Variants in CASR observed in about 807,000 individuals in gnomAD.
CASR encodes the protein extracellular calcium-sensing receptor.
In CASR, 23 loss-of-function variants were observed where a neutral mutation model predicts 69.1. The ratio of observed to expected loss-of-function variants is 0.33; its 90% CI spans 0.24 to 0.47. The LOEUF (loss-of-function observed/expected upper bound fraction) is 0.47. Among genes scored for constraint, CASR ranks in the 20% least tolerant of loss-of-function variants. The pLI, the probability that CASR is intolerant of heterozygous loss-of-function variation, is 1.00. For missense variants in CASR, 924 were observed against 1,356.1 expected, an observed-to-expected ratio of 0.68 and a Z score of 5.00; for synonymous variants, 541 against 544.7, an observed-to-expected ratio of 0.99 and a Z score of 0.10.
chr3:122,275,125 A>G (rs1163945306), intron 4 of CASR, among the ~76,000 whole-genome samples: 2 of 152,242 alleles, frequency 1.3e-5, no homozygotes, highest in Non-Finnish European at 2.9e-5. Flanking sequence ...TCGTGCCTCA[A>G]TGGTAGTAAA....
At chr3:122,214,658 A>C (rs6438712) in intron 1 of CASR, among the ~76,000 whole-genome samples, 1 of 151,966 alleles carries the variant, frequency 6.6e-6, no homozygotes, top group Admixed American at 6.6e-5. Flanking sequence ...TTTTGTACAT[A>C]AACTGTATAG....
intron 1 of CASR, among the ~76,000 whole-genome samples, chr3:122,204,478 C>G (rs2073987039): frequency 6.6e-6 from 1 of 152,056 alleles, no homozygotes; most frequent in Admixed American, 6.6e-5. Context: ...TTTATTCATC[C>G]GTTGATGGGC....
chr3:122,278,717 C>T (rs775008540), intron 5 of CASR, among the ~76,000 whole-genome samples: 2 of 152,120 alleles, frequency 1.3e-5, no homozygotes, highest in Non-Finnish European at 2.9e-5. Flanking sequence ...TCTTCTAAGC[C>T]TTGACTGGTA....
At chr3:122,272,360 T>C (rs1420413985) in intron 4 of CASR, among the ~76,000 whole-genome samples, 1 of 152,216 alleles carries the variant, frequency 6.6e-6, no homozygotes, top group African/African-American at 2.4e-5. Context: ...TATTTCCCCT[T>C]GTTCTCTAGT....
intron 1 of CASR, among the ~76,000 whole-genome samples, chr3:122,203,252 A>G (rs2073975028): frequency 1.3e-5 from 2 of 152,200 alleles, no homozygotes; most frequent in Admixed American, 1.3e-4. Context: ...TTCCAACAAT[A>G]TTGAGCCTTC....
intron 4 of CASR, among the ~76,000 whole-genome samples, chr3:122,262,905 C>T (rs893018403): frequency 2.0e-5 from 3 of 151,984 alleles, no homozygotes; most frequent in African/African-American, 7.3e-5. Context: ...CAGCTTAGGA[C>T]AAAAGCAAAT....
chr3:122,290,093 AAAG>A lies in CASR; in HGVS notation c.*4911_*4913del, dbSNP rs147781068. On this transcript the variant is annotated 3_prime_UTR_variant, in exon 7 of 7. Transcript: ENST00000639785. Reference sequence around the variant, plus strand: ...GCAAGACCCTGCCAAAAAAAAAAAAAAAGAAGAAGAAAAACAATTTTATTGGTA... The same window carrying A: ...GCAAGACCCTGCCAAAAAAAAAAAAAAAGAAGAAAAACAATTTTATTGGTA... 13,496 of 150,062 alleles carry A rather than the reference AAAG, an allele frequency of 0.09. 1,216 individuals carry two copies. Among genetic ancestry groups the A allele is most frequent in the East Asian group, 0.5 (2,408 of 4,852 alleles). 9.3% of individuals were successfully genotyped at this position (150,062 alleles called of 1,614,324 possible).
chr3:122,254,439 A>C, intron 2 of CASR, 65 bp downstream of exon 2: 2 of 1,486,920 alleles, frequency 1.3e-6, no homozygotes, highest in African/African-American at 1.4e-5. Flanking sequence ...AGCTGCACCA[A>C]ACGCAAAATA....
intron 1 of CASR, among the ~76,000 whole-genome samples, chr3:122,210,504 T>G (rs2074053817): frequency 6.6e-6 from 1 of 152,040 alleles, no homozygotes; most frequent in Non-Finnish European, 1.5e-5. Flanking sequence ...ACAAGCAGAA[T>G]AAAATACCTA....
In CASR at chr3:122,229,789, G is replaced by C. The variant is rs149443622; in HGVS notation, c.-242-24159G>C. 1.0e-3 allele frequency among the ~76,000 whole-genome samples: 156 copies of C among 152,302 alleles called. 1 individual carries two copies. The highest frequency in any genetic ancestry group is 3.5e-3 in the African/African-American group (145 of 41,558). On this transcript the variant is annotated intron_variant, in intron 1 of 6. Transcript: ENST00000639785. ...AGGCAGGAGAATTGCTTGAACCTGG[G>C]AGGTGGAAGCCACAGTGAGCCAAGA...
intron 1 of CASR, among the ~76,000 whole-genome samples, chr3:122,218,276 C>T (rs1295671758): frequency 6.6e-6 from 1 of 152,038 alleles, no homozygotes; most frequent in Admixed American, 6.6e-5. Flanking sequence ...TAGCTCACAC[C>T]TGTAATCCCA....
Position 122,291,380 on chromosome 3 carries a change from C to T in CASR, c.*6189C>T, listed in dbSNP as rs1576881648. On this transcript the variant is annotated 3_prime_UTR_variant, in exon 7 of 7. Coordinates refer to ENST00000639785, the MANE Select transcript of CASR (RefSeq NM_000388.4). ...AAGTGTTCCTATTTCTCCACATCCT[C>T]TCCAGCACCTGTTGTTTCCTGACTT... 6.6e-6 allele frequency: 1 copy of T among 151,546 alleles called. No homozygotes were observed. The highest frequency in any genetic ancestry group is 2.4e-5 in the African/African-American group (1 of 41,268). The allele number at this position is 151,546 out of a possible 1,614,324, so 9.4% of individuals were successfully genotyped here. A position where few individuals can be genotyped will look rare whatever the true frequency, so the allele number is the denominator to read the frequency against.
intron 1 of CASR, among the ~76,000 whole-genome samples, chr3:122,203,312 G>T (rs1044171148): frequency 6.6e-6 from 1 of 152,164 alleles, no homozygotes; most frequent in Non-Finnish European, 1.5e-5. Flanking sequence ...TTACAATGGG[G>T]ATATGTTCTG....
At position 122,285,406 on chromosome 3, in the gene CASR, A is replaced by G; in HGVS notation, c.*215A>G. 2.0e-6 allele frequency: 1 copy of G among 493,708 alleles called. No homozygotes were observed. 30.6% of individuals were successfully genotyped at this position (493,708 alleles called of 1,614,324 possible). ...AAGAGCCTTGTGTTTCTGTGGTTGC[A>G]TTTGTCAAAGCATTGAGATCTCCAC... On this transcript the variant is annotated 3_prime_UTR_variant, in exon 7 of 7. Coordinates refer to ENST00000639785, the MANE Select transcript of CASR (RefSeq NM_000388.4).
chr3:122,242,972 T>C (rs1429135589), intron 1 of CASR, among the ~76,000 whole-genome samples: 2 of 152,048 alleles, frequency 1.3e-5, no homozygotes, highest in Non-Finnish European at 2.9e-5. Flanking sequence ...GATATCCAAA[T>C]GCAGAAGAAT....
chr3:122,256,868 G>A lies in CASR; in HGVS notation c.186-213G>A, dbSNP rs1326747856. On this transcript the variant is annotated intron_variant, in intron 2 of 6. Transcript: ENST00000639785. ...ACTCTGGACCTCAAGTGATCCACCC[G>A]CCTCGGCCTCCCGAAGTGCTGAGAT... is the stretch of plus-strand genomic sequence containing the variant. Among the ~76,000 whole-genome samples the A allele has an allele frequency of 3.9e-5, 6 of 152,250 alleles. No individual in the cohort carries two copies. In the South Asian group the frequency reaches 1.2e-3, roughly 32 times the overall value.
At chr3:122,247,541 A>G (rs1480548782) in intron 1 of CASR, 3 of 152,250 alleles carry the variant, frequency 2.0e-5, no homozygotes, top group Non-Finnish European at 4.4e-5. Flanking sequence ...GAGCTGACTT[A>G]AGGCATAAAG....
chr3:122,240,003 C>T (rs7629281), intron 1 of CASR, among the ~76,000 whole-genome samples: 24,638 of 152,004 alleles, frequency 0.16, 2,066 homozygotes, highest in Non-Finnish European at 0.18. Flanking sequence ...ACTTCCCAAG[C>T]CTAGAGAAAG....
chr3:122,288,533 A>T lies in CASR; in HGVS notation c.*3342A>T, dbSNP rs146336534. ...GTCTCAGAGATCTATTCCTGTTCTC[A>T]CTGTGGTCCTCTTCCCTTCACCTAG... On this transcript the variant is annotated 3_prime_UTR_variant, in exon 7 of 7. Transcript: ENST00000639785. 6.6e-5 allele frequency: 10 copies of T among 152,256 alleles called. No homozygotes were observed. The East Asian group carries it at 1.9e-3, about 29-fold the overall frequency. The allele number at this position is 152,256 out of a possible 1,614,324, so 9.4% of individuals were successfully genotyped here. A position where few individuals can be genotyped will look rare whatever the true frequency, so the allele number is the denominator to read the frequency against.
Sources: gnomAD v4.1 joint callset for allele counts (sites outside exome capture counted in the v4.1 genomes callset) on GRCh38, gnomAD v4.1.1 for gene constraint, MANE v1.5 for transcripts, NCBI Gene and HGNC (gene_info 2026-07-23, HGNC 2026-07-21) for gene names.